Variants in RRP7A observed in about 807,000 individuals in gnomAD.
RRP7A encodes ribosomal RNA processing 7 homolog A, also known as ribosomal RNA-processing protein 7 homolog A.
RRP7A carries 27 observed loss-of-function variants against 38.4 expected under a neutral mutation model. The observed-to-expected ratio is 0.70, with a 90% CI of 0.52 to 0.97. The LOEUF (loss-of-function observed/expected upper bound fraction) is 0.97, where lower values mean the gene tolerates loss of function less well. Ranked by LOEUF, RRP7A falls within the 50% of genes least tolerant of loss-of-function variation. The pLI is 0.00. For missense variants in RRP7A, 327 were observed against 375.4 expected (o/e 0.87, Z 1.07); for synonymous variants, 124 against 150.3 (o/e 0.83, Z 1.28).
chr22:42,508,985 C>T lies in RRP7A; in HGVS notation c.*3925G>A. ...ATGGGTTTCGTGCCCACGAGAGTGC[C>T]TGTGCCTTGTGACGAGAATTCACCA... On this transcript the variant is annotated 3_prime_UTR_variant, in exon 7 of 7. Transcript: ENST00000323013. The T allele has an allele frequency of 3.1e-6, 5 of 1,612,610 alleles. No homozygotes were observed. The East Asian group carries it at 1.1e-4, about 36-fold the overall frequency.
In RRP7A at chr22:42,512,624, AC is replaced by A; in HGVS notation, c.*285del. The stretch of plus-strand genomic sequence containing the variant: ...GCATTGAGGGAAAAGGAAGCACAGA[AC>A]GGATTCATCCAGGGTCCTGGAGAGG... On this transcript the variant is annotated 3_prime_UTR_variant, in exon 7 of 7. Transcript: ENST00000323013. 1.7e-6 allele frequency: 1 copy of A among 571,688 alleles called. No individual in the cohort carries two copies. The highest frequency in any genetic ancestry group is 3.1e-6 in the Non-Finnish European group (1 of 318,582). 35.4% of individuals were successfully genotyped at this position (571,688 alleles called of 1,614,324 possible). A position where few individuals can be genotyped will look rare whatever the true frequency, so the allele number is the denominator to read the frequency against.
At chr22:42,515,900 T>C (rs1470330613) in intron 3 of RRP7A, 111 bp downstream of exon 3, 2 of 1,349,740 alleles carry the variant, frequency 1.5e-6, no homozygotes, top group Admixed American at 2.3e-5. Context: ...ACGGTGAGGA[T>C]GGGCTCAGGA....
intron 5 of RRP7A, among the ~76,000 whole-genome samples, 186 bp from the exon 6 acceptor site, chr22:42,514,490 C>G (rs1920925129): frequency 1.3e-5 from 2 of 152,156 alleles, no homozygotes; most frequent in South Asian, 4.1e-4. Context: ...GCACTGCCTC[C>G]TTCTCCACTG....
At position 42,509,530 on chromosome 22, in the gene RRP7A, G is replaced by A. The variant is rs1326530370; in HGVS notation, c.*3380C>T. On this transcript the variant is annotated 3_prime_UTR_variant, in exon 7 of 7. Transcript: ENST00000323013. The stretch of plus-strand genomic sequence containing the variant: ...GTATTTTTAGTAGAGACGAGGTTTC[G>A]CCATGTTGGCCAGGCTGCTCTCCAT... Among the ~76,000 whole-genome samples, 4 of 149,738 alleles carry A rather than the reference G, an allele frequency of 2.7e-5. No homozygotes were observed. Among genetic ancestry groups the A allele is most frequent in the African/African-American group, 4.9e-5 (2 of 40,992 alleles).
At chr22:42,515,927 T>C (rs1601807261) in intron 3 of RRP7A, 84 bp downstream of exon 3, 22 of 1,471,314 alleles carry the variant, frequency 1.5e-5, no homozygotes, top group Admixed American at 2.2e-5. Context: ...AATGCTCTGA[T>C]GTCCCACTGC....
At chr22:42,514,585 G>A in intron 5 of RRP7A, 97 bp downstream of exon 5, 8 of 1,065,458 alleles carry the variant, frequency 7.5e-6, no homozygotes, top group East Asian at 2.6e-5. Context: ...TCTACAGAGT[G>A]GCCAAGGACA....
chr22:42,517,355 A>C (rs1472782812), intron 2 of RRP7A, among the ~76,000 whole-genome samples: 4 of 150,950 alleles, frequency 2.6e-5, no homozygotes, highest in African/African-American at 9.7e-5. Context: ...AAAAAAAAAA[A>C]AAAAAAAAAA....
intron 6 of RRP7A, among the ~76,000 whole-genome samples, chr22:42,513,228 C>T (rs1428118655): frequency 6.9e-6 from 1 of 144,348 alleles, no homozygotes; most frequent in Non-Finnish European, 1.5e-5. Flanking sequence ...CTGGCACCCC[C>T]AGCCTGGAGA....
In RRP7A at chr22:42,512,862, C is replaced by T. The variant is rs1483409077; in HGVS notation, c.*48G>A. The T allele has an allele frequency of 6.4e-7, 1 of 1,571,554 alleles. No individual in the cohort carries two copies. The highest frequency in any genetic ancestry group is 1.7e-5 in the Admixed American group (1 of 58,486). On this transcript the variant is annotated 3_prime_UTR_variant, in exon 7 of 7. Coordinates refer to ENST00000323013, the MANE Select transcript of RRP7A (RefSeq NM_015703.5). ...AGAGACCGCTGCAGGCCCTGCCTCG[C>T]CTCCTCCTGGCCCTGCACCTCCAGC...
rs531203335 is a variant in RRP7A, at chr22:42,515,949, A to G, written c.342+62T>C. 17 of 1,524,734 alleles carry G rather than the reference A, an allele frequency of 1.1e-5. No individual in the cohort carries two copies. The African/African-American group carries it at 1.4e-4, about 12-fold the overall frequency. 94.5% of individuals were successfully genotyped at this position (1,524,734 alleles called of 1,614,324 possible). A position where few individuals can be genotyped will look rare whatever the true frequency, so the allele number is the denominator to read the frequency against. On this transcript the variant is annotated intron_variant, in intron 3 of 6. Coordinates refer to ENST00000323013, the MANE Select transcript of RRP7A (RefSeq NM_015703.5). ...TGATGTCCCACTGCCAGCTCCCCCA[A>G]CACACTGGGGACAGTGCCCCACCCC...
intron 1 of RRP7A, among the ~76,000 whole-genome samples, chr22:42,519,353 G>C (rs1331600574): frequency 2.0e-5 from 3 of 152,018 alleles, no homozygotes; most frequent in African/African-American, 7.2e-5. Flanking sequence ...TAACAGCCCA[G>C]GTAAGAGCTG....
rs537243578 is a variant in RRP7A at position 42,512,898 on chromosome 22, G to A, written c.*12C>T. 1.3e-4 allele frequency: 204 copies of A among 1,612,048 alleles called. 2 individuals carry two copies. The South Asian group carries it at 1.6e-3, about 12-fold the overall frequency. ...CCCTGCACCTCCAGCCATTCACTGC[G>A]GCTCTCACAGCTCAGTACGGTCGGA... On this transcript the variant is annotated 3_prime_UTR_variant, in exon 7 of 7. Coordinates refer to ENST00000323013, the MANE Select transcript of RRP7A (RefSeq NM_015703.5).
At chr22:42,517,223 A>G (rs1407538720) in intron 2 of RRP7A, among the ~76,000 whole-genome samples, 18 of 151,702 alleles carry the variant, frequency 1.2e-4, no homozygotes, top group Admixed American at 1.2e-3. Flanking sequence ...GGTTGCAGTG[A>G]GTTGTGAACG....
Position 42,510,623 on chromosome 22 carries a change from C to CT in RRP7A, c.*2286dup, listed in dbSNP as rs1258708931. 1 of 1,202,724 alleles carries CT rather than the reference C, an allele frequency of 8.3e-7. No homozygotes were observed. Among genetic ancestry groups the CT allele is most frequent in the Non-Finnish European group, 1.2e-6 (1 of 862,138 alleles). 74.5% of individuals were successfully genotyped at this position (1,202,724 alleles called of 1,614,324 possible). ...AACCCCAACAACCCCCAACTCCTCA[C>CT]TTTCCAGAGCAGTCCACGGATATTT... On this transcript the variant is annotated 3_prime_UTR_variant, in exon 7 of 7. Coordinates refer to ENST00000323013, the MANE Select transcript of RRP7A (RefSeq NM_015703.5).
chr22:42,519,604 C>G, intron 1 of RRP7A, 110 bp downstream of exon 1: 4 of 961,154 alleles, frequency 4.2e-6, no homozygotes, highest in South Asian at 4.4e-5. Context: ...GCCACCGGGG[C>G]TCACACCCAA....
chr22:42,517,361 A>AG (rs1920933248), intron 2 of RRP7A, among the ~76,000 whole-genome samples: 1 of 151,020 alleles, frequency 6.6e-6, no homozygotes, highest in Non-Finnish European at 1.5e-5. Flanking sequence ...AAAAAAAAAA[A>AG]AAAAATTAAC....
chr22:42,513,115 C>G, intron 6 of RRP7A, 120 bp from the exon 7 acceptor site: 3 of 802,780 alleles, frequency 3.7e-6, no homozygotes, highest in South Asian at 1.4e-5. Context: ...CCCCCACCAG[C>G]CCATCCCCCT....
At position 42,508,807 on chromosome 22, in the gene RRP7A, C is replaced by T. The variant is rs1932350885; in HGVS notation, c.*4103G>A. On this transcript the variant is annotated 3_prime_UTR_variant, in exon 7 of 7. Coordinates refer to ENST00000323013, the MANE Select transcript of RRP7A (RefSeq NM_015703.5). ...GAGTCAGGCTGGGTAGCCACGAGCCCAGGAAGAGGGGAGAACAGACTTGGA... is the reference window on the plus strand; with the variant it reads ...GAGTCAGGCTGGGTAGCCACGAGCCTAGGAAGAGGGGAGAACAGACTTGGA... 6.6e-6 allele frequency among the ~76,000 whole-genome samples: 1 copy of T among 152,170 alleles called. No homozygotes were observed. Among genetic ancestry groups the T allele is most frequent in the South Asian group, 2.1e-4 (1 of 4,834 alleles).
In RRP7A at chr22:42,510,875, T is replaced by A; in HGVS notation, c.*2035A>T. 1 of 929,714 alleles carries A rather than the reference T, an allele frequency of 1.1e-6. No homozygotes were observed. The highest frequency in any genetic ancestry group is 1.4e-6 in the Non-Finnish European group (1 of 724,970). The allele number at this position is 929,714 out of a possible 1,614,324, so 57.6% of individuals were successfully genotyped here. A position where few individuals can be genotyped will look rare whatever the true frequency, so the allele number is the denominator to read the frequency against. ...GGATCTATCAGGCCTCATGCTCCAG[T>A]GATCAGTCCCTAGAGGCCTGGGGAC... On this transcript the variant is annotated 3_prime_UTR_variant, in exon 7 of 7. Transcript: ENST00000323013.
Sources: gnomAD v4.1 joint callset for allele counts (sites outside exome capture counted in the v4.1 genomes callset) on GRCh38, gnomAD v4.1.1 for gene constraint, MANE v1.5 for transcripts, NCBI Gene and HGNC (gene_info 2026-07-23, HGNC 2026-07-21) for gene names.